Variants in SH3BGRL observed in about 807,000 individuals in gnomAD.
SH3BGRL encodes adapter SH3BGRL.
In SH3BGRL, 7 loss-of-function variants were observed where a neutral mutation model predicts 9.8. The observed-to-expected ratio is 0.72, with a 90% confidence interval of 0.41 to 1.35. The LOEUF (loss-of-function observed/expected upper bound fraction) is 1.35. SH3BGRL is among the 40% of genes most tolerant of loss of function. The probability of loss-of-function intolerance (pLI) is 0.01; values close to 1 mark genes in which losing one functional copy is unlikely to be tolerated. For missense variants in SH3BGRL, 73 were observed against 84.4 expected (o/e 0.86, Z 0.53); for synonymous variants, 36 against 29.1 (o/e 1.24, Z -0.76).
At chrX:81,240,206 CA>C (rs1469136230) in intron 1 of SH3BGRL, among the ~76,000 whole-genome samples, 1 of 112,057 alleles carries the variant, frequency 8.9e-6, no homozygotes, top group Non-Finnish European at 1.9e-5. Context: ...ACAATAACTA[CA>C]ACATCTTTTG....
Position 81,276,972 on chromosome X carries a change from C to T in SH3BGRL, c.46-12C>T, listed in dbSNP as rs1326657338. ...AATTTGGAAAATACGGTTTCTTGTC[C>T]TTTGGTCCTAGATTAAGAAGAAACA... On this transcript the variant is annotated splice_polypyrimidine_tract_variant and intron_variant, in intron 1 of 3. Transcript: ENST00000373212. The T allele has an allele frequency of 9.2e-6, 11 of 1,191,313 alleles. No individual in the cohort carries two copies. Among genetic ancestry groups the T allele is most frequent in the Middle Eastern group, 2.3e-4 (1 of 4,304 alleles).
intron 1 of SH3BGRL, among the ~76,000 whole-genome samples, chrX:81,252,687 C>T (rs758532946): frequency 3.6e-5 from 4 of 112,297 alleles, no homozygotes; most frequent in Non-Finnish European, 5.6e-5. Flanking sequence ...GGACCACATT[C>T]AAAGCCGTCC....
chrX:81,224,568 C>T (rs753940472), intron 1 of SH3BGRL, among the ~76,000 whole-genome samples: 11 of 108,059 alleles, frequency 1.0e-4, no homozygotes, highest in East Asian at 2.8e-4. Flanking sequence ...GCACAAGTTA[C>T]GTGCTTAACC....
chrX:81,293,096 G>A (rs963766879), intron 3 of SH3BGRL, among the ~76,000 whole-genome samples: 2 of 111,467 alleles, frequency 1.8e-5, no homozygotes, highest in Non-Finnish European at 3.8e-5. Context: ...GAATCATGGG[G>A]GCAGTTTCCC....
chrX:81,269,863 G>A (rs1165498011), intron 1 of SH3BGRL, among the ~76,000 whole-genome samples: 1 of 111,526 alleles, frequency 9.0e-6, no homozygotes, highest in Non-Finnish European at 1.9e-5. Context: ...CCAATCAGAC[G>A]TAGATTTGGT....
intron 1 of SH3BGRL, among the ~76,000 whole-genome samples, chrX:81,260,448 G>A (rs1231084120): frequency 4.5e-5 from 5 of 111,327 alleles, no homozygotes; most frequent in African/African-American, 1.6e-4. Flanking sequence ...CTGGCCCATA[G>A]GAAGCACTTA....
intron 1 of SH3BGRL, among the ~76,000 whole-genome samples, chrX:81,244,191 C>G (rs965602086): frequency 2.7e-5 from 3 of 110,849 alleles, no homozygotes; most frequent in Admixed American, 9.6e-5. Flanking sequence ...AAACACAGAC[C>G]AAAAAATGTA....
intron 3 of SH3BGRL, among the ~76,000 whole-genome samples, chrX:81,296,095 G>A (rs1266658283): frequency 9.0e-6 from 1 of 111,727 alleles, no homozygotes; most frequent in African/African-American, 3.3e-5. Context: ...TGGCTGAGGA[G>A]GCCTCAGGAA....
chrX:81,212,743 T>C (rs1402182756), intron 1 of SH3BGRL, among the ~76,000 whole-genome samples: 1 of 111,236 alleles, frequency 9.0e-6, no homozygotes, highest in African/African-American at 3.3e-5. Context: ...TCCCAGGGGA[T>C]CCTTATGCTG....
In SH3BGRL at chrX:81,277,082, G is replaced by A; in HGVS notation, c.144G>A (p.Trp48Ter). Residue 48 changes from tryptophan to a stop codon, truncating the protein, a stop_gained, in exon 2 of 4, where the codon TGG (tryptophan) becomes TGA (stop). Transcript: ENST00000373212. LOFTEE classifies it high-confidence loss of function. ...CAGCCAATGAAGAGAATCGGAAGTG[G>A]ATGAGAGAAAATGTACCTGAAAATA... ...DIAANEENRK[W>*]MRENVPENSR... is the part of the protein sequence containing the mutation. The A allele has an allele frequency of 8.3e-7, 1 of 1,207,268 alleles. No homozygotes were observed. The highest frequency in any genetic ancestry group is 3.0e-5 in the East Asian group (1 of 33,711).
chrX:81,276,027 A>G (rs779965262), intron 1 of SH3BGRL, among the ~76,000 whole-genome samples: 1 of 111,042 alleles, frequency 9.0e-6, no homozygotes, highest in East Asian at 2.9e-4. Flanking sequence ...ACAACACTCC[A>G]TGTGTCTTTA....
intron 1 of SH3BGRL, among the ~76,000 whole-genome samples, chrX:81,224,203 A>G (rs776238664): frequency 8.9e-6 from 1 of 111,813 alleles, no homozygotes; most frequent in Non-Finnish European, 1.9e-5. Flanking sequence ...AGAACTCTAT[A>G]CTTAATGCTG....
intron 1 of SH3BGRL, among the ~76,000 whole-genome samples, chrX:81,242,192 G>A (rs1310955894): frequency 1.8e-5 from 2 of 112,141 alleles, no homozygotes; most frequent in Non-Finnish European, 3.8e-5. Context: ...AACCAAAATA[G>A]CATGGTATTG....
At position 81,211,421 on chromosome X, in the gene SH3BGRL, TG is replaced by T. The variant is rs766540955; in HGVS notation, c.45+9177del. Among the ~76,000 whole-genome samples, 3 of 110,861 alleles carry T rather than the reference TG, an allele frequency of 2.7e-5. No individual in the cohort carries two copies. In the South Asian group the frequency reaches 1.1e-3, roughly 42 times the overall value. On this transcript the variant is annotated intron_variant, in intron 1 of 3. Coordinates refer to ENST00000373212, the MANE Select transcript of SH3BGRL (RefSeq NM_003022.3). ...TAACAGGGTGAAACCCCGTCTCTACTGAAAATACAAAAAAAATTAGCCGGGC... is the reference window on the plus strand; with the variant it reads ...TAACAGGGTGAAACCCCGTCTCTACTAAAATACAAAAAAAATTAGCCGGGC...
At chrX:81,255,596 C>A (rs1398785994) in intron 1 of SH3BGRL, 2 of 112,091 alleles carry the variant, frequency 1.8e-5, no homozygotes, top group Non-Finnish European at 3.8e-5. Context: ...TTTGAACAAT[C>A]TGCCAAAGGA....
intron 1 of SH3BGRL, among the ~76,000 whole-genome samples, chrX:81,246,826 T>C (rs955757422): frequency 8.9e-6 from 1 of 111,928 alleles, no homozygotes; most frequent in African/African-American, 3.2e-5. Flanking sequence ...TTTAGCATAG[T>C]TTTTTTCTAG....
intron 1 of SH3BGRL, among the ~76,000 whole-genome samples, chrX:81,230,599 A>G (rs997796342): frequency 2.7e-5 from 3 of 112,507 alleles, no homozygotes; most frequent in African/African-American, 9.7e-5. Context: ...TGAGGAACAC[A>G]GGTAATCCCT....
chrX:81,266,966 C>A (rs2075759204), intron 1 of SH3BGRL, among the ~76,000 whole-genome samples: 1 of 111,502 alleles, frequency 9.0e-6, no homozygotes, highest in Admixed American at 9.5e-5. Flanking sequence ...CTATTAGTAG[C>A]AATTGTGAAT....
intron 1 of SH3BGRL, among the ~76,000 whole-genome samples, chrX:81,209,628 G>T (rs772868585): frequency 9.0e-6 from 1 of 111,386 alleles, no homozygotes; most frequent in African/African-American, 3.3e-5. Context: ...GTATTGAATA[G>T]AAATTGTCAA....
Sources: allele counts gnomAD v4.1 joint callset (sites outside exome capture counted in the v4.1 genomes callset), GRCh38; gene constraint gnomAD v4.1.1; transcripts MANE v1.5; gene names NCBI Gene and HGNC (gene_info 2026-07-23, HGNC 2026-07-21).